NKAIN2: variants seen among roughly 807,000 people sequenced by gnomAD.
The protein encoded by NKAIN2 is sodium/potassium transporting ATPase interacting 2.
NKAIN2 carries 14 observed loss-of-function variants against 32.6 expected under a neutral mutation model. That is an observed-to-expected ratio of 0.43 (90% CI 0.28 to 0.67). NKAIN2 has a LOEUF of 0.67. Among genes scored for constraint, NKAIN2 ranks in the 30% least tolerant of loss-of-function variants. The pLI is 0.17. For missense variants in NKAIN2, 198 were observed against 258.3 expected, an observed-to-expected ratio of 0.77 and a Z score of 1.60; for synonymous variants, 80 against 87.2, an observed-to-expected ratio of 0.92 and a Z score of 0.46.
intron 3 of NKAIN2, among the ~76,000 whole-genome samples, chr6:124,443,187 T>C (rs1183836983): frequency 2.6e-5 from 4 of 152,108 alleles, no homozygotes; most frequent in Non-Finnish European, 4.4e-5. Flanking sequence ...TCAATTTTTA[T>C]TGGGTTTTTC....
chr6:124,186,172 GGAAA>G (rs1415979702), intron 1 of NKAIN2, among the ~76,000 whole-genome samples: 23 of 132,792 alleles, frequency 1.7e-4, no homozygotes, highest in African/African-American at 3.8e-4. Flanking sequence ...AGGGAGGGAG[GGAAA>G]GAAAGAAAGG....
intron 4 of NKAIN2, among the ~76,000 whole-genome samples, chr6:124,714,546 T>C (rs537538467): frequency 1.3e-5 from 2 of 152,270 alleles, no homozygotes; most frequent in South Asian, 2.1e-4. Context: ...GAAAACAACA[T>C]TTGTGTGTGG....
intron 1 of NKAIN2, among the ~76,000 whole-genome samples, chr6:123,927,990 A>G (rs1776080446): frequency 1.3e-5 from 2 of 152,182 alleles, no homozygotes; most frequent in Admixed American, 6.5e-5. Context: ...GGTTGGTTTC[A>G]TAACTAAAAG....
chr6:124,347,789 T>C (rs1459257111), intron 2 of NKAIN2, among the ~76,000 whole-genome samples: 2 of 152,242 alleles, frequency 1.3e-5, no homozygotes, highest in African/African-American at 4.8e-5. Context: ...AATTTCCTCC[T>C]GTAGCTCGGA....
chr6:124,498,420 A>C (rs1778152036), intron 3 of NKAIN2, among the ~76,000 whole-genome samples: 1 of 152,160 alleles, frequency 6.6e-6, no homozygotes, highest in Non-Finnish European at 1.5e-5. Context: ...AGCAAAATTG[A>C]GGTGCAGAAC....
chr6:124,096,206 C>T (rs2114937854), intron 1 of NKAIN2, among the ~76,000 whole-genome samples: 1 of 152,232 alleles, frequency 6.6e-6, no homozygotes, highest in Admixed American at 6.5e-5. Flanking sequence ...GTGATGGTCT[C>T]CAAAATGTCA....
chr6:124,469,361 G>A (rs1776885244), intron 3 of NKAIN2, among the ~76,000 whole-genome samples: 1 of 152,118 alleles, frequency 6.6e-6, no homozygotes, highest in African/African-American at 2.4e-5. Flanking sequence ...CTGCTCAGCA[G>A]GGTTTCTTTT....
intron 1 of NKAIN2, among the ~76,000 whole-genome samples, chr6:123,921,584 G>C (rs904629641): frequency 6.6e-6 from 1 of 152,118 alleles, no homozygotes; most frequent in African/African-American, 2.4e-5. Flanking sequence ...CTCAGAGGGC[G>C]TAATTCTGTG....
chr6:124,033,204 C>T (rs928502946), intron 1 of NKAIN2, among the ~76,000 whole-genome samples: 1 of 152,048 alleles, frequency 6.6e-6, no homozygotes, highest in African/African-American at 2.4e-5. Context: ...AACATATTGT[C>T]TGGTTCTCAG....
intron 1 of NKAIN2, among the ~76,000 whole-genome samples, chr6:123,997,281 T>C (rs1779658838): frequency 6.6e-6 from 1 of 152,240 alleles, no homozygotes; most frequent in Non-Finnish European, 1.5e-5. Flanking sequence ...GTGACTGTTC[T>C]CTATAAACAT....
At chr6:124,631,881 A>G (rs979713243) in intron 3 of NKAIN2, among the ~76,000 whole-genome samples, 1 of 152,124 alleles carries the variant, frequency 6.6e-6, no homozygotes, top group Non-Finnish European at 1.5e-5. Flanking sequence ...TCAGTGTCTG[A>G]TTTCAAATAA....
At chr6:124,410,543 G>T (rs1488885245) in intron 3 of NKAIN2, among the ~76,000 whole-genome samples, 1 of 152,314 alleles carries the variant, frequency 6.6e-6, no homozygotes, top group East Asian at 1.9e-4. Context: ...TAGTTTGATT[G>T]CACTGTGGTC....
At chr6:124,794,387 C>T (rs770594566) in intron 5 of NKAIN2, among the ~76,000 whole-genome samples, 1 of 152,056 alleles carries the variant, frequency 6.6e-6, no homozygotes, top group Non-Finnish European at 1.5e-5. Context: ...AAATTCAAGG[C>T]GATTCAAAGT....
At chr6:124,682,778 T>TAC (rs1773683913) in intron 4 of NKAIN2, among the ~76,000 whole-genome samples, 1 of 152,200 alleles carries the variant, frequency 6.6e-6, no homozygotes, top group African/African-American at 2.4e-5. Context: ...TTATAAACTC[T>TAC]ATAAAACAAC....
chr6:124,213,465 A>G (rs979627120), intron 1 of NKAIN2, among the ~76,000 whole-genome samples: 4 of 152,110 alleles, frequency 2.6e-5, no homozygotes, highest in African/African-American at 9.6e-5. Context: ...CCCTAATATT[A>G]GCACTATACC....
chr6:124,622,766 C>T (rs1414805821), intron 3 of NKAIN2, among the ~76,000 whole-genome samples: 5 of 152,166 alleles, frequency 3.3e-5, no homozygotes, highest in African/African-American at 1.2e-4. Flanking sequence ...TCCTCTCCGA[C>T]AACCCCCAGC....
At chr6:124,308,413 AT>A (rs1246335511) in intron 2 of NKAIN2, among the ~76,000 whole-genome samples, 1 of 152,180 alleles carries the variant, frequency 6.6e-6, no homozygotes, top group African/African-American at 2.4e-5. Context: ...AATATTATTT[AT>A]TTTATCTGCT....
At chr6:124,578,053 C>G (rs978888699) in intron 3 of NKAIN2, among the ~76,000 whole-genome samples, 7 of 145,706 alleles carry the variant, frequency 4.8e-5, no homozygotes, top group Admixed American at 2.7e-4. Flanking sequence ...GAATAGTCAA[C>G]AGTGGTAGCC....
At chr6:124,407,645 G>T (rs938019059) in intron 3 of NKAIN2, among the ~76,000 whole-genome samples, 2 of 151,758 alleles carry the variant, frequency 1.3e-5, no homozygotes, top group African/African-American at 4.8e-5. Flanking sequence ...GACTAGTGCC[G>T]CAATAAACAT....
Sources: allele counts gnomAD v4.1 joint callset (sites outside exome capture counted in the v4.1 genomes callset), GRCh38; gene constraint gnomAD v4.1.1; transcripts MANE v1.5; gene names NCBI Gene and HGNC (gene_info 2026-07-23, HGNC 2026-07-21).